Variants in ST8SIA4 observed in about 807,000 individuals in gnomAD.
The protein encoded by ST8SIA4 is CMP-N-acetylneuraminate-poly-alpha-2,8-sialyltransferase.
In ST8SIA4, 15 loss-of-function variants were observed where a neutral mutation model predicts 33.9. The observed-to-expected ratio is 0.44, with a 90% confidence interval of 0.30 to 0.68. The LOEUF (loss-of-function observed/expected upper bound fraction) is 0.68. ST8SIA4 is among the 30% of genes least tolerant of loss of function. The pLI is 0.10. For missense variants in ST8SIA4, 321 were observed against 428.0 expected (o/e 0.75, Z 2.21); for synonymous variants, 171 against 151.2 (o/e 1.13, Z -0.96).
intron 3 of ST8SIA4, among the ~76,000 whole-genome samples, chr5:100,870,576 T>A (rs1190542760): frequency 6.6e-6 from 1 of 152,150 alleles, no homozygotes; most frequent in Non-Finnish European, 1.5e-5. Flanking sequence ...TTTACAATCT[T>A]TGTTTCAGAA....
At chr5:100,842,513 C>A (rs1307491273) in intron 4 of ST8SIA4, among the ~76,000 whole-genome samples, 5 of 151,816 alleles carry the variant, frequency 3.3e-5, no homozygotes, top group African/African-American at 1.2e-4. Flanking sequence ...CTGCCCACAT[C>A]CCACCTCAAC....
chr5:100,841,899 C>T (rs1449316171), intron 4 of ST8SIA4, among the ~76,000 whole-genome samples: 1 of 151,838 alleles, frequency 6.6e-6, no homozygotes, highest in Non-Finnish European at 1.5e-5. Flanking sequence ...ACTACCTTGT[C>T]ACTTCCCTAT....
At chr5:100,880,814 GT>G (rs575911323) in intron 3 of ST8SIA4, among the ~76,000 whole-genome samples, 43 of 152,176 alleles carry the variant, frequency 2.8e-4, no homozygotes, top group African/African-American at 9.4e-4. Flanking sequence ...AGAAAAAGGG[GT>G]CAAGGCACTT....
chr5:100,890,254 TAAA>T (rs1752631380), intron 2 of ST8SIA4, among the ~76,000 whole-genome samples: 3 of 151,916 alleles, frequency 2.0e-5, no homozygotes, highest in African/African-American at 7.2e-5. Context: ...AATGGCGAAT[TAAA>T]AGCTTTGTGA....
intron 4 of ST8SIA4, among the ~76,000 whole-genome samples, chr5:100,850,243 C>T (rs1751663569): frequency 1.3e-5 from 2 of 151,960 alleles, no homozygotes; most frequent in Non-Finnish European, 2.9e-5. Flanking sequence ...ATGATGGTGA[C>T]ATCACAGAAT....
chr5:100,855,807 T>C (rs1480437886), intron 4 of ST8SIA4, among the ~76,000 whole-genome samples: 3 of 152,216 alleles, frequency 2.0e-5, no homozygotes, highest in Non-Finnish European at 2.9e-5. Context: ...GCTCATTAAT[T>C]TTACTATGAA....
At chr5:100,862,305 A>G (rs1042075976) in intron 3 of ST8SIA4, among the ~76,000 whole-genome samples, 16 of 152,210 alleles carry the variant, frequency 1.1e-4, no homozygotes, top group African/African-American at 3.6e-4. Context: ...TCCCAGTTAC[A>G]ATTTCATAAT....
At chr5:100,844,472 G>A (rs1401992874) in intron 4 of ST8SIA4, among the ~76,000 whole-genome samples, 1 of 151,902 alleles carries the variant, frequency 6.6e-6, no homozygotes, top group African/African-American at 2.4e-5. Flanking sequence ...ACATTGATGA[G>A]GGGAGGCTGC....
chr5:100,859,417 C>G (rs1284891613), intron 3 of ST8SIA4, among the ~76,000 whole-genome samples: 1 of 152,000 alleles, frequency 6.6e-6, no homozygotes, highest in East Asian at 1.9e-4. Flanking sequence ...TTAATAGAGT[C>G]AAACAACATT....
intron 3 of ST8SIA4, among the ~76,000 whole-genome samples, chr5:100,876,745 T>C (rs1234027448): frequency 6.6e-6 from 1 of 152,082 alleles, no homozygotes; most frequent in Non-Finnish European, 1.5e-5. Flanking sequence ...CTTATGATTA[T>C]TTTTCTGTTA....
chr5:100,883,060 C>T (rs567153008), intron 3 of ST8SIA4, among the ~76,000 whole-genome samples: 33 of 152,274 alleles, frequency 2.2e-4, no homozygotes, highest in African/African-American at 3.8e-4. Context: ...CCTTCAGACC[C>T]CAGAATGGTA....
intron 3 of ST8SIA4, among the ~76,000 whole-genome samples, chr5:100,877,356 AT>A (rs1752327309): frequency 6.6e-6 from 1 of 152,224 alleles, no homozygotes; most frequent in African/African-American, 2.4e-5. Flanking sequence ...GATTGATTAA[AT>A]TTGAAGCAAA....
intron 4 of ST8SIA4, among the ~76,000 whole-genome samples, chr5:100,816,331 T>C (rs1331352094): frequency 6.6e-6 from 1 of 152,192 alleles, no homozygotes; most frequent in Non-Finnish European, 1.5e-5. Context: ...TGAGTCAAAA[T>C]ACCTGATTAT....
chr5:100,849,397 T>A, intron 4 of ST8SIA4: 1 of 985,434 alleles, frequency 1.0e-6, no homozygotes. Flanking sequence ...ATTCTCTACG[T>A]CAGTGTTCTT....
chr5:100,843,138 T>C (rs552905542), intron 4 of ST8SIA4, among the ~76,000 whole-genome samples: 7 of 152,014 alleles, frequency 4.6e-5, no homozygotes, highest in Middle Eastern at 6.8e-3. Context: ...TATTATATCA[T>C]CACTTTATCA....
At chr5:100,891,378 C>CA (rs535240124) in intron 2 of ST8SIA4, among the ~76,000 whole-genome samples, 1 of 151,844 alleles carries the variant, frequency 6.6e-6, no homozygotes, top group South Asian at 2.1e-4. Context: ...ATTATGCCTA[C>CA]AAAAAAACAG....
Position 100,856,819 on chromosome 5 carries a change from C to A in ST8SIA4, c.504-423G>T, listed in dbSNP as rs566099907. On this transcript the variant is annotated intron_variant, in intron 3 of 4. Transcript: ENST00000231461. The stretch of plus-strand genomic sequence containing the variant: ...GGACTTGACATTCTAATCTGCACCA[C>A]TTGTAAAGCTTAAGTCATTTCAACA... Among the ~76,000 whole-genome samples, 3 of 152,278 alleles carry A rather than the reference C, an allele frequency of 2.0e-5. No individual in the cohort carries two copies. In the East Asian group the frequency reaches 5.8e-4, roughly 29 times the overall value.
intron 1 of ST8SIA4, chr5:100,900,429 G>C (rs1447506881): frequency 2.2e-6 from 1 of 456,252 alleles, no homozygotes; most frequent in Non-Finnish European, 4.4e-6. Context: ...GAGATGATTT[G>C]ATGGTTTTAT....
At chr5:100,888,212 AAC>A (rs1752584445) in intron 2 of ST8SIA4, among the ~76,000 whole-genome samples, 1 of 151,272 alleles carries the variant, frequency 6.6e-6, no homozygotes, top group African/African-American at 2.4e-5. Context: ...AAAAAAAAAA[AAC>A]ATATATATAT....
Sources: gnomAD v4.1 joint callset for allele counts (sites outside exome capture counted in the v4.1 genomes callset) on GRCh38, gnomAD v4.1.1 for gene constraint, MANE v1.5 for transcripts, NCBI Gene and HGNC (gene_info 2026-07-23, HGNC 2026-07-21) for gene names.